TMEM220: variants seen among roughly 807,000 people sequenced by gnomAD.
The protein encoded by TMEM220 is transmembrane protein 220.
A neutral mutation model predicts 21.7 loss-of-function variants in TMEM220; 21 were observed. The observed-to-expected ratio is 0.97, with a 90% CI of 0.69 to 1.39. The LOEUF (loss-of-function observed/expected upper bound fraction) is 1.39, where lower values mean the gene tolerates loss of function less well. TMEM220 is among the 40% of genes most tolerant of loss of function. The pLI is 0.00. For missense variants in TMEM220, 191 were observed against 201.9 expected (o/e 0.95, Z 0.33); for synonymous variants, 80 against 73.6 (o/e 1.09, Z -0.45).
intron 5 of TMEM220, among the ~76,000 whole-genome samples, chr17:10,722,414 CAT>C: frequency 1.3e-5 from 2 of 152,322 alleles, no homozygotes; most frequent in Middle Eastern, 6.8e-3. Flanking sequence ...TATCTTAACA[CAT>C]GCTTCCTATT....
chr17:10,722,203 C>T (rs2075001464), intron 5 of TMEM220, among the ~76,000 whole-genome samples: 1 of 152,136 alleles, frequency 6.6e-6, no homozygotes, highest in African/African-American at 2.4e-5. Flanking sequence ...CCATGTTGGC[C>T]AGGCTGGTCT....
At chr17:10,723,768 G>A (rs931935298) in intron 4 of TMEM220, among the ~76,000 whole-genome samples, 4 of 112,510 alleles carry the variant, frequency 3.6e-5, no homozygotes, top group African/African-American at 1.6e-4. Context: ...CATGATCTGT[G>A]TATATACTAC....
Position 10,723,275 on chromosome 17 carries a change from G to A in TMEM220, c.342C>T (p.Ser114=). Residue 114 remains serine (S), a synonymous_variant, in exon 5 of 6, where the codon TCC becomes TCT. Coordinates refer to ENST00000341871, the MANE Select transcript of TMEM220 (RefSeq NM_001004313.3). The part of the protein sequence containing the change: ...ITAWIILCHS[S]SKNPVGGRIQ... ...GTGATGAGTTGAATACTTACTTTGA[G>A]GAACTGTGGCACAGGATAATCCATG... 1.2e-6 allele frequency: 2 copies of A among 1,613,996 alleles called. No homozygotes were observed. Among genetic ancestry groups the A allele is most frequent in the Non-Finnish European group, 1.7e-6 (2 of 1,179,918 alleles).
At chr17:10,716,966 T>G (rs577739529) in intron 5 of TMEM220, among the ~76,000 whole-genome samples, 95 of 152,358 alleles carry the variant, frequency 6.2e-4, no homozygotes, top group African/African-American at 2.2e-3. Flanking sequence ...TTTATAAATG[T>G]TAACTTTTTG....
chr17:10,719,935 AG>A (rs1039147270), intron 5 of TMEM220, among the ~76,000 whole-genome samples: 4 of 152,162 alleles, frequency 2.6e-5, no homozygotes, highest in African/African-American at 9.7e-5. Context: ...TTATAGAAAA[AG>A]AAATATAAAT....
chr17:10,716,430 G>C, intron 5 of TMEM220: 1 of 657,188 alleles, frequency 1.5e-6, no homozygotes, highest in South Asian at 1.4e-5. Context: ...TTTCCCGTCC[G>C]GTCAGAACTC....
At chr17:10,712,346 C>A (rs1428000125), downstream of TMEM220, among the ~76,000 whole-genome samples, 1 of 152,200 alleles carries the variant, frequency 6.6e-6, no homozygotes, top group Non-Finnish European at 1.5e-5. Flanking sequence ...CAGGGCCCAA[C>A]CAGATAATCC....
At chr17:10,720,582 C>A (rs2074976061) in intron 5 of TMEM220, among the ~76,000 whole-genome samples, 1 of 152,028 alleles carries the variant, frequency 6.6e-6, no homozygotes, top group Non-Finnish European at 1.5e-5. Flanking sequence ...CTGGAGAAGC[C>A]GAATTTCTTT....
chr17:10,725,218 A>G, intron 3 of TMEM220, 84 bp from the exon 4 acceptor site: 2 of 1,561,856 alleles, frequency 1.3e-6, no homozygotes, highest in Non-Finnish European at 1.7e-6. Context: ...GTTTTGCCAT[A>G]GTCTGCTTTC....
Position 10,714,340 on chromosome 17 carries a change from A to T in TMEM220, c.*1113T>A, listed in dbSNP as rs994570236. 1.3e-5 allele frequency: 2 copies of T among 152,012 alleles called. No individual in the cohort carries two copies. The highest frequency in any genetic ancestry group is 2.9e-5 in the Non-Finnish European group (2 of 68,010). 9.4% of individuals were successfully genotyped at this position (152,012 alleles called of 1,614,324 possible). ...CCAAGTTGTTCCAAACACAATTGTA[A>T]GTTTTCCAATAATCAAGTATCCATT... On this transcript the variant is annotated 3_prime_UTR_variant, in exon 6 of 6. Coordinates refer to ENST00000341871, the MANE Select transcript of TMEM220 (RefSeq NM_001004313.3).
At chr17:10,712,226 C>G (rs2074858701), downstream of TMEM220, among the ~76,000 whole-genome samples, 1 of 152,202 alleles carries the variant, frequency 6.6e-6, no homozygotes, top group Admixed American at 6.5e-5. Flanking sequence ...GTCTTCAAAG[C>G]CAGCAGTGTA....
rs369226005 is a variant in TMEM220, at chr17:10,729,973, C to G, written c.-122G>C. On this transcript the variant is annotated 5_prime_UTR_variant, in exon 1 of 6. Transcript: ENST00000341871. ...CGAGACCCCCGCCTCGGTTTCGGTG[C>G]CTTGGGGACACTGCCGTGGCCGTCG... 4 of 1,223,768 alleles carry G rather than the reference C, an allele frequency of 3.3e-6. No individual in the cohort carries two copies. The highest frequency in any genetic ancestry group is 4.1e-6 in the Non-Finnish European group (4 of 984,252). The allele number at this position is 1,223,768 out of a possible 1,614,324, so 75.8% of individuals were successfully genotyped here. A position where few individuals can be genotyped will look rare whatever the true frequency, so the allele number is the denominator to read the frequency against.
intron 5 of TMEM220, chr17:10,716,408 G>A: frequency 1.5e-6 from 1 of 647,540 alleles, no homozygotes; most frequent in South Asian, 1.4e-5. Flanking sequence ...TTGCTGTGTT[G>A]GCTTATCTTA....
At chr17:10,716,609 G>T in intron 5 of TMEM220, 1 of 432,334 alleles carries the variant, frequency 2.3e-6, no homozygotes, top group Non-Finnish European at 4.6e-6. Context: ...TAATAGACCT[G>T]TGATCCCCTT....
chr17:10,726,596 T>C (rs1448329901), intron 2 of TMEM220, among the ~76,000 whole-genome samples: 1 of 152,210 alleles, frequency 6.6e-6, no homozygotes, highest in African/African-American at 2.4e-5. Context: ...CAAATGGCCT[T>C]TCCCCACTTG....
chr17:10,729,732 GC>G, intron 1 of TMEM220, 47 bp downstream of exon 1: 2 of 1,310,266 alleles, frequency 1.5e-6, no homozygotes, highest in South Asian at 4.0e-5. Flanking sequence ...AGGCCAGGGG[GC>G]GGAGCTGGGA....
At chr17:10,721,793 TAAAAC>T (rs1221311229) in intron 5 of TMEM220, among the ~76,000 whole-genome samples, 2 of 109,288 alleles carry the variant, frequency 1.8e-5, no homozygotes, top group African/African-American at 8.7e-5. Context: ...AATAAAAAGT[TAAAAC>T]AAAAAATTAA....
downstream of TMEM220, chr17:10,711,365 GTATAGTCCTCATAAGGGGCA>G (rs2074852226): frequency 9.7e-6 from 5 of 516,650 alleles, no homozygotes; most frequent in African/African-American, 1.9e-5. Context: ...AGGCAGGGGT[GTATAGTCCTCATAAGGGGCA>G]TATAGTCCTC....
At chr17:10,716,215 G>A (rs1206501611) in intron 5 of TMEM220, 23 of 876,122 alleles carry the variant, frequency 2.6e-5, no homozygotes, top group South Asian at 7.8e-5. Context: ...TTTTGATGTT[G>A]TAAAAGAAAT....
Sources: allele counts gnomAD v4.1 joint callset (sites outside exome capture counted in the v4.1 genomes callset), GRCh38; gene constraint gnomAD v4.1.1; transcripts MANE v1.5; gene names NCBI Gene and HGNC (gene_info 2026-07-23, HGNC 2026-07-21).